SGCZ: variants seen among roughly 807,000 people sequenced by gnomAD.
SGCZ encodes zeta-sarcoglycan.
SGCZ carries 40 observed loss-of-function variants against 41.3 expected under a neutral mutation model. The ratio of observed to expected loss-of-function variants is 0.97; its 90% CI spans 0.75 to 1.26. SGCZ has a LOEUF of 1.26. Among genes scored for constraint, SGCZ ranks in the 50% most tolerant of loss-of-function variants. The probability of loss-of-function intolerance (pLI) is 0.00; values close to 1 mark genes in which losing one functional copy is unlikely to be tolerated. For missense variants in SGCZ, 552 were observed against 369.8 expected (o/e 1.49, Z -4.04); for synonymous variants, 206 against 137.5 (o/e 1.50, Z -3.49).
intron 3 of SGCZ, among the ~76,000 whole-genome samples, chr8:14,321,679 T>C (rs1368546438): frequency 6.6e-6 from 1 of 152,106 alleles, no homozygotes; most frequent in Non-Finnish European, 1.5e-5. Context: ...CCCAGCATTT[T>C]TTTTCTCTCA....
chr8:14,620,007 G>C (rs1806230592), intron 1 of SGCZ, among the ~76,000 whole-genome samples: 1 of 152,142 alleles, frequency 6.6e-6, no homozygotes, highest in Non-Finnish European at 1.5e-5. Context: ...AAAGAACAAA[G>C]TGGGAGGCAT....
chr8:14,733,002 T>C (rs937322160), intron 1 of SGCZ, among the ~76,000 whole-genome samples: 3 of 152,308 alleles, frequency 2.0e-5, no homozygotes, highest in East Asian at 3.9e-4. Context: ...GTGTTTCTGA[T>C]GCGTTTTCAT....
At chr8:14,768,171 G>A (rs1459766892) in intron 1 of SGCZ, among the ~76,000 whole-genome samples, 2 of 152,168 alleles carry the variant, frequency 1.3e-5, no homozygotes, top group African/African-American at 4.8e-5. Flanking sequence ...TGTATTACAA[G>A]CATTCATGGT....
intron 2 of SGCZ, among the ~76,000 whole-genome samples, chr8:14,552,347 G>T (rs932280494): frequency 6.6e-6 from 1 of 152,028 alleles, no homozygotes; most frequent in Non-Finnish European, 1.5e-5. Context: ...GCTAGAGAGT[G>T]TGTTACCTTA....
At chr8:14,258,372 C>A (rs183749671) in intron 3 of SGCZ, among the ~76,000 whole-genome samples, 1 of 152,194 alleles carries the variant, frequency 6.6e-6, no homozygotes, top group Non-Finnish European at 1.5e-5. Flanking sequence ...CTGTACTTCC[C>A]TGATCTCTCG....
At chr8:14,227,951 A>G (rs1284554074) in intron 4 of SGCZ, among the ~76,000 whole-genome samples, 1 of 151,850 alleles carries the variant, frequency 6.6e-6, no homozygotes, top group Non-Finnish European at 1.5e-5. Flanking sequence ...CTCTCTCTCT[A>G]CCCCATGACC....
chr8:15,152,643 A>G (rs1799212535), intron 1 of SGCZ, among the ~76,000 whole-genome samples: 1 of 152,164 alleles, frequency 6.6e-6, no homozygotes, highest in African/African-American at 2.4e-5. Context: ...AATATAAATC[A>G]CACTCCTTTG....
At chr8:14,195,506 T>A (rs1392623772) in intron 4 of SGCZ, among the ~76,000 whole-genome samples, 1 of 152,108 alleles carries the variant, frequency 6.6e-6, no homozygotes, top group African/African-American at 2.4e-5. Context: ...GGAGAAATGA[T>A]GGGATAAAGT....
chr8:14,325,537 CATAT>C (rs1377087240), intron 2 of SGCZ, among the ~76,000 whole-genome samples: 2 of 144,286 alleles, frequency 1.4e-5, no homozygotes, highest in African/African-American at 5.0e-5. Context: ...TAATCAAAAT[CATAT>C]ATAATAGATT....
chr8:14,388,848 AAAG>A (rs1278186806), intron 2 of SGCZ, among the ~76,000 whole-genome samples: 1 of 152,112 alleles, frequency 6.6e-6, no homozygotes, highest in East Asian at 1.9e-4. Context: ...AGAAAAAAAA[AAAG>A]AAAATGAAGC....
chr8:14,442,341 T>C (rs7831478), intron 2 of SGCZ, among the ~76,000 whole-genome samples: 7,204 of 152,282 alleles, frequency 0.047, 284 homozygotes, highest in African/African-American at 0.11. Flanking sequence ...CTCTCTTGCC[T>C]GCTGCCATGT....
At chr8:15,037,428 C>T (rs1803913245) in intron 1 of SGCZ, among the ~76,000 whole-genome samples, 1 of 152,166 alleles carries the variant, frequency 6.6e-6, no homozygotes, top group Admixed American at 6.5e-5. Context: ...AATTAAACTT[C>T]TTTCATGTAT....
chr8:14,880,847 C>G (rs886160688), intron 1 of SGCZ, among the ~76,000 whole-genome samples: 1 of 151,882 alleles, frequency 6.6e-6, no homozygotes, highest in African/African-American at 2.4e-5. Context: ...AGATATATAC[C>G]TAATGTAAAT....
chr8:14,840,682 T>C (rs1358030525), intron 1 of SGCZ, among the ~76,000 whole-genome samples: 6 of 152,126 alleles, frequency 3.9e-5, no homozygotes, highest in South Asian at 2.1e-4. Flanking sequence ...ATTGAGGATA[T>C]CTAAATAATT....
rs1376104166 is a variant in SGCZ, at chr8:15,096,253, AT to A, written c.39+141331del. On this transcript the variant is annotated intron_variant, in intron 1 of 7. Transcript: ENST00000382080. ...AACCACGCCCAGCTAACTTTTGGTA[AT>A]TTTTTTTTTTTTCAGTAGAGATGGG... is the stretch of plus-strand genomic sequence containing the variant. Among the ~76,000 whole-genome samples the A allele has an allele frequency of 1.0e-2, 1,428 of 142,900 alleles. 12 individuals are homozygous for A. Among genetic ancestry groups the A allele is most frequent in the Non-Finnish European group, 0.016 (1,015 of 64,916 alleles). The allele number at this position is 142,900 out of a possible 152,430, so 93.7% of individuals were successfully genotyped here.
intron 1 of SGCZ, among the ~76,000 whole-genome samples, chr8:14,614,598 A>G (rs1198782423): frequency 6.6e-6 from 1 of 152,164 alleles, no homozygotes; most frequent in African/African-American, 2.4e-5. Flanking sequence ...CAAACTGCAA[A>G]TTTGTCTCAC....
chr8:14,870,107 G>C (rs1308658253), intron 1 of SGCZ, among the ~76,000 whole-genome samples: 1 of 152,088 alleles, frequency 6.6e-6, no homozygotes, highest in Non-Finnish European at 1.5e-5. Flanking sequence ...CCAAAAAAGA[G>C]CCAGTATAGC....
intron 4 of SGCZ, among the ~76,000 whole-genome samples, chr8:14,204,167 T>G (rs535600249): frequency 6.6e-6 from 1 of 152,070 alleles, no homozygotes; most frequent in Non-Finnish European, 1.5e-5. Context: ...ACAGTGTGGT[T>G]TGGGAAAATG....
chr8:14,823,987 A>C (rs1802201851), intron 1 of SGCZ, among the ~76,000 whole-genome samples: 1 of 152,120 alleles, frequency 6.6e-6, no homozygotes, highest in Non-Finnish European at 1.5e-5. Context: ...CAGAAAGACA[A>C]ATAAATACTG....
Sources: gnomAD v4.1 joint callset for allele counts (sites outside exome capture counted in the v4.1 genomes callset) on GRCh38, gnomAD v4.1.1 for gene constraint, MANE v1.5 for transcripts, NCBI Gene and HGNC (gene_info 2026-07-23, HGNC 2026-07-21) for gene names.